Variants in BNC2 observed in about 807,000 individuals in gnomAD.
The protein encoded by BNC2 is basonuclin zinc finger protein 2.
In BNC2, 20 loss-of-function variants were observed where a neutral mutation model predicts 76.3. The observed-to-expected ratio is 0.26, with a 90% CI of 0.18 to 0.38. The LOEUF is 0.38. BNC2 is among the 10% of genes least tolerant of loss of function. The pLI is 1.00. For synonymous variants in BNC2, 582 were observed against 514.8 expected (o/e 1.13, Z -1.77); for missense variants, 1,382 against 1,399.8 (o/e 0.99, Z 0.20).
intron 1 of BNC2, among the ~76,000 whole-genome samples, chr9:16,855,664 C>T (rs898803289): frequency 5.9e-5 from 9 of 151,876 alleles, no homozygotes; most frequent in African/African-American, 2.2e-4. Flanking sequence ...CAGCCTCCCA[C>T]GTAGCTGGGA....
At chr9:16,691,107 C>T (rs780521594) in intron 3 of BNC2, among the ~76,000 whole-genome samples, 5 of 152,192 alleles carry the variant, frequency 3.3e-5, no homozygotes, top group Admixed American at 1.3e-4. Flanking sequence ...AATCTCTCTT[C>T]CCTGGTGACA....
chr9:16,423,709 C>T (rs1403673527), intron 6 of BNC2, among the ~76,000 whole-genome samples: 5 of 152,018 alleles, frequency 3.3e-5, no homozygotes, highest in African/African-American at 7.2e-5. Context: ...AAGGTGGTGG[C>T]GACAAAACAA....
chr9:16,562,554 C>T (rs1490206190), intron 4 of BNC2, among the ~76,000 whole-genome samples: 1 of 152,162 alleles, frequency 6.6e-6, no homozygotes, highest in Non-Finnish European at 1.5e-5. Flanking sequence ...TACCATTAAT[C>T]ATCATTTTCA....
chr9:16,601,612 C>A (rs946948564), intron 3 of BNC2, among the ~76,000 whole-genome samples: 27 of 152,174 alleles, frequency 1.8e-4, no homozygotes, highest in African/African-American at 5.5e-4. Flanking sequence ...CTACACACTC[C>A]TGAGCCTGAA....
intron 4 of BNC2, among the ~76,000 whole-genome samples, chr9:16,573,271 C>T (rs1819382031): frequency 6.7e-6 from 1 of 150,164 alleles, no homozygotes; most frequent in African/African-American, 2.4e-5. Flanking sequence ...ATAATTCAAG[C>T]CAAGATACAG....
intron 3 of BNC2, among the ~76,000 whole-genome samples, chr9:16,629,976 T>C (rs902443994): frequency 6.6e-5 from 10 of 152,328 alleles, no homozygotes; most frequent in African/African-American, 9.6e-5. Flanking sequence ...GATTTCTCTG[T>C]AGCATTGATG....
intron 1 of BNC2, among the ~76,000 whole-genome samples, chr9:16,747,691 G>A (rs973843111): frequency 6.6e-6 from 1 of 152,124 alleles, no homozygotes; most frequent in Non-Finnish European, 1.5e-5. Flanking sequence ...TACCATTTTA[G>A]ACAAGAATTT....
At chr9:16,807,970 G>A (rs932824640) in intron 1 of BNC2, among the ~76,000 whole-genome samples, 1 of 152,074 alleles carries the variant, frequency 6.6e-6, no homozygotes. Context: ...AGTCAGACAA[G>A]ATAATTAACT....
At chr9:16,456,415 C>G (rs1314419485) in intron 5 of BNC2, among the ~76,000 whole-genome samples, 1 of 151,344 alleles carries the variant, frequency 6.6e-6, no homozygotes, top group African/African-American at 2.4e-5. Context: ...CAGACAAAAT[C>G]AGAGTCCTGG....
At chr9:16,469,708 G>C (rs531072727) in intron 5 of BNC2, among the ~76,000 whole-genome samples, 1 of 152,342 alleles carries the variant, frequency 6.6e-6, no homozygotes, top group South Asian at 2.1e-4. Flanking sequence ...AAATGTGGAA[G>C]TTTGGAACTT....
intron 1 of BNC2, among the ~76,000 whole-genome samples, chr9:16,827,782 G>A (rs1386028620): frequency 6.6e-6 from 1 of 152,040 alleles, no homozygotes; most frequent in Non-Finnish European, 1.5e-5. Context: ...TTTCAAGACT[G>A]AATTACAGTA....
intron 3 of BNC2, among the ~76,000 whole-genome samples, chr9:16,651,820 A>G (rs1000430031): frequency 1.3e-5 from 2 of 152,228 alleles, no homozygotes; most frequent in African/African-American, 4.8e-5. Flanking sequence ...TTTCAAAAGC[A>G]ATATAATTTC....
chr9:16,815,970 G>GTTCT (rs2135899462), intron 1 of BNC2, among the ~76,000 whole-genome samples: 1 of 152,192 alleles, frequency 6.6e-6, no homozygotes, highest in African/African-American at 2.4e-5. Flanking sequence ...TTTGCTTGAA[G>GTTCT]TTCTTCATGT....
intron 5 of BNC2, among the ~76,000 whole-genome samples, chr9:16,452,043 A>G (rs1821351225): frequency 6.6e-6 from 1 of 152,206 alleles, no homozygotes. Context: ...GACCTGGTCG[A>G]GTGCTTTTCC....
chr9:16,433,303 G>A (rs1237537805), intron 6 of BNC2, among the ~76,000 whole-genome samples: 1 of 152,146 alleles, frequency 6.6e-6, no homozygotes, highest in Admixed American at 6.5e-5. Flanking sequence ...TACAATGTTT[G>A]CAATTTGCTT....
At chr9:16,642,556 C>G (rs1460933736) in intron 3 of BNC2, among the ~76,000 whole-genome samples, 1 of 152,200 alleles carries the variant, frequency 6.6e-6, no homozygotes, top group African/African-American at 2.4e-5. Context: ...TAAAATTTTT[C>G]TTTCACTTCT....
At chr9:16,756,845 A>G (rs1825396516) in intron 1 of BNC2, among the ~76,000 whole-genome samples, 1 of 151,860 alleles carries the variant, frequency 6.6e-6, no homozygotes, top group South Asian at 2.1e-4. Flanking sequence ...AAAAAAATTA[A>G]CCGGGCATGG....
chr9:16,533,511 GA>G (rs1262948925), intron 5 of BNC2, among the ~76,000 whole-genome samples: 1 of 152,112 alleles, frequency 6.6e-6, no homozygotes, highest in African/African-American at 2.4e-5. Flanking sequence ...TAAAATGTAA[GA>G]AAAATTTAGG....
chr9:16,437,650 T>A, intron 5 of BNC2, 126 bp from the exon 6 acceptor site: 1 of 1,120,516 alleles, frequency 8.9e-7, no homozygotes, highest in Non-Finnish European at 1.3e-6. Flanking sequence ...GAAAACAACA[T>A]GCAAGCACTG....
Sources: allele counts gnomAD v4.1 joint callset (sites outside exome capture counted in the v4.1 genomes callset), GRCh38; gene constraint gnomAD v4.1.1; transcripts MANE v1.5; gene names NCBI Gene and HGNC (gene_info 2026-07-23, HGNC 2026-07-21).